The following ITGB5 variants were observed in gnomAD, a reference collection of about 807,000 sequenced individuals.
ITGB5 encodes integrin beta-5.
In ITGB5, 38 loss-of-function variants were observed where a neutral mutation model predicts 84.8. The ratio of observed to expected loss-of-function variants is 0.45; its 90% CI spans 0.35 to 0.59. The LOEUF (loss-of-function observed/expected upper bound fraction) is 0.59, where lower values mean the gene tolerates loss of function less well. Ranked by LOEUF, ITGB5 falls within the 20% of genes least tolerant of loss-of-function variation. ITGB5 has a pLI of 0.01. For synonymous variants in ITGB5, 393 were observed against 414.4 expected (o/e 0.95, Z 0.63); for missense variants, 905 against 1,034.5 (o/e 0.87, Z 1.72).
At chr3:124,809,932 T>A (rs1248380951) in intron 8 of ITGB5, among the ~76,000 whole-genome samples, 1 of 152,218 alleles carries the variant, frequency 6.6e-6, no homozygotes, top group East Asian at 1.9e-4. Context: ...CGTGCAATCC[T>A]ATAGAAAGCC....
intron 5 of ITGB5, among the ~76,000 whole-genome samples, chr3:124,825,460 T>C (rs1475477946): frequency 6.6e-6 from 1 of 152,224 alleles, no homozygotes; most frequent in Non-Finnish European, 1.5e-5. Flanking sequence ...TGTCCATCAG[T>C]AATCAACAGA....
rs1248178949 is a variant in ITGB5 at position 124,887,341 on chromosome 3, A to C, written c.-341T>G. 2 of 151,582 alleles carry C rather than the reference A, an allele frequency of 1.3e-5. No individual in the cohort carries two copies. Among genetic ancestry groups the C allele is most frequent in the Non-Finnish European group, 2.9e-5 (2 of 68,620 alleles). 9.4% of individuals were successfully genotyped at this position (151,582 alleles called of 1,614,324 possible). A position where few individuals can be genotyped will look rare whatever the true frequency, so the allele number is the denominator to read the frequency against. Reference sequence around the variant, plus strand: ...GCTCCGAGACGCGCCCAGCGCCGAGACTCCCCCGCGCGCCGGCACACTCTG... The same window carrying C: ...GCTCCGAGACGCGCCCAGCGCCGAGCCTCCCCCGCGCGCCGGCACACTCTG... On this transcript the variant is annotated 5_prime_UTR_variant, in exon 1 of 15. Transcript: ENST00000296181.
intron 5 of ITGB5, among the ~76,000 whole-genome samples, chr3:124,828,042 A>G (rs2064808854): frequency 6.8e-6 from 1 of 148,058 alleles, no homozygotes; most frequent in South Asian, 2.1e-4. Flanking sequence ...GCCTGCCTGC[A>G]CCCAGGTGAT....
At chr3:124,883,452 A>T (rs1934668823) in intron 1 of ITGB5, among the ~76,000 whole-genome samples, 1 of 152,196 alleles carries the variant, frequency 6.6e-6, no homozygotes. Context: ...CATAGGATAA[A>T]CAGCAGTCTA....
chr3:124,899,028 T>C (rs1559993388), intron 1 of ITGB5, among the ~76,000 whole-genome samples: 3 of 151,706 alleles, frequency 2.0e-5, no homozygotes, highest in Non-Finnish European at 2.9e-5. Context: ...TGAGCCTAGA[T>C]TGCGCCATTG....
At chr3:124,834,254 G>T (rs11707015) in intron 5 of ITGB5, among the ~76,000 whole-genome samples, 3 of 151,982 alleles carry the variant, frequency 2.0e-5, no homozygotes, top group Non-Finnish European at 4.4e-5. Flanking sequence ...CACTGACTGG[G>T]TCACTGATTG....
chr3:124,880,871 G>T (rs1934533232), intron 1 of ITGB5, among the ~76,000 whole-genome samples: 1 of 152,016 alleles, frequency 6.6e-6, no homozygotes, highest in South Asian at 2.1e-4. Flanking sequence ...AGAGGTTGCA[G>T]TGAGTCAAGA....
Position 124,848,477 on chromosome 3 carries a change from A to C in ITGB5, c.443T>G (p.Leu148Arg). 6.2e-7 allele frequency: 1 copy of C among 1,614,170 alleles called. No individual in the cohort carries two copies. Among genetic ancestry groups the C allele is most frequent in the Non-Finnish European group, 8.5e-7 (1 of 1,180,010 alleles). ...VDLYYLMDLS[L>R]SMKDDLDNIR... ...ATTGTCCAAGTCATCCTTCATGGAC[A>C]GGGAGAGGTCCATCAGGTAGTACAG... Residue 148 changes from leucine (L) to arginine (R), a missense_variant, in exon 4 of 15, where the codon CTG becomes CGG. Leu to Arg is a moderately radical substitution (Grantham distance 102). This residue lies in a region of ITGB5 where 656 missense variants were observed against 734.7 expected (regional missense o/e 0.89). Coordinates refer to ENST00000296181, the MANE Select transcript of ITGB5 (RefSeq NM_002213.5).
At chr3:124,771,449 A>G (rs1354515917) in intron 11 of ITGB5, among the ~76,000 whole-genome samples, 1 of 152,150 alleles carries the variant, frequency 6.6e-6, no homozygotes, top group East Asian at 1.9e-4. Flanking sequence ...GCCCAGAGAC[A>G]AATAAGAAGG....
intron 2 of ITGB5, among the ~76,000 whole-genome samples, chr3:124,866,649 T>G (rs1186754113): frequency 6.6e-6 from 1 of 152,106 alleles, no homozygotes; most frequent in Non-Finnish European, 1.5e-5. Flanking sequence ...AGGGGAGAAG[T>G]GGACACAGGC....
chr3:124,888,325 GAT>G (rs1251475908), upstream of ITGB5, among the ~76,000 whole-genome samples: 1 of 152,178 alleles, frequency 6.6e-6, no homozygotes, highest in African/African-American at 2.4e-5. Flanking sequence ...TGATCAAACT[GAT>G]AGACTCAAAA....
intron 5 of ITGB5, among the ~76,000 whole-genome samples, chr3:124,834,428 A>G (rs2064899804): frequency 6.7e-6 from 1 of 149,868 alleles, no homozygotes. Flanking sequence ...AGAAAGAAGG[A>G]AACAAAGAAA....
chr3:124,900,675 G>A (rs555772785), intron 1 of ITGB5, among the ~76,000 whole-genome samples: 57 of 152,230 alleles, frequency 3.7e-4, no homozygotes, highest in Middle Eastern at 3.4e-3. Context: ...ACTGTGGATT[G>A]TCAATTAATG....
chr3:124,776,946 C>T (rs775566013), intron 10 of ITGB5, among the ~76,000 whole-genome samples: 3 of 152,136 alleles, frequency 2.0e-5, no homozygotes, highest in Non-Finnish European at 2.9e-5. Context: ...AAGGCCTGTT[C>T]GCTGCAGAGG....
intron 8 of ITGB5, among the ~76,000 whole-genome samples, chr3:124,813,288 A>G (rs1354843124): frequency 1.3e-5 from 2 of 152,178 alleles, no homozygotes; most frequent in East Asian, 3.9e-4. Flanking sequence ...CACACCACTC[A>G]ACACAACACT....
chr3:124,873,046 A>G (rs1425561016), intron 2 of ITGB5, among the ~76,000 whole-genome samples: 3 of 152,228 alleles, frequency 2.0e-5, no homozygotes, highest in African/African-American at 7.2e-5. Context: ...TCAAGTAAAC[A>G]CACTAAGATG....
Position 124,769,010 on chromosome 3 carries a change from C to G in ITGB5, c.2017+3G>C. ...ACTGCCCGGGTGGTGGCAGCACACTCACCGATGGTGTCCACCCATGTGATC... is the reference window on the plus strand; with the variant it reads ...ACTGCCCGGGTGGTGGCAGCACACTGACCGATGGTGTCCACCCATGTGATC... On this transcript the variant is annotated splice_donor_region_variant and intron_variant, in intron 12 of 14. Coordinates refer to ENST00000296181, the MANE Select transcript of ITGB5 (RefSeq NM_002213.5). 1 of 1,610,334 alleles carries G rather than the reference C, an allele frequency of 6.2e-7. No homozygotes were observed. Among genetic ancestry groups the G allele is most frequent in the Non-Finnish European group, 8.5e-7 (1 of 1,177,566 alleles).
intron 2 of ITGB5, chr3:124,862,016 C>T (rs1291011446): frequency 6.6e-6 from 1 of 152,292 alleles, no homozygotes; most frequent in Non-Finnish European, 1.5e-5. Flanking sequence ...TTTGGGTCTG[C>T]TGTCTTGAGC....
chr3:124,834,918 T>TGACTTAAAATAGAATA (rs2064911594), intron 5 of ITGB5, among the ~76,000 whole-genome samples: 2 of 152,170 alleles, frequency 1.3e-5, no homozygotes, highest in African/African-American at 4.8e-5. Flanking sequence ...TCCTTTCATC[T>TGACTTAAAATAGAATA]TTGCTCAGTG....
Sources: allele counts gnomAD v4.1 joint callset (sites outside exome capture counted in the v4.1 genomes callset), GRCh38; gene constraint gnomAD v4.1.1; regional missense constraint gnomAD v4.1.1; transcripts MANE v1.5; gene names NCBI Gene and HGNC (gene_info 2026-07-23, HGNC 2026-07-21).